TTLL7: variants seen among roughly 807,000 people sequenced by gnomAD.
TTLL7 encodes tubulin tyrosine ligase like 7.
Under a neutral mutation model 120.2 loss-of-function variants are expected in TTLL7, and 53 were observed. The ratio of observed to expected loss-of-function variants is 0.44; its 90% confidence interval spans 0.35 to 0.55. The LOEUF (loss-of-function observed/expected upper bound fraction) is 0.55. Among genes scored for constraint, TTLL7 ranks in the 20% least tolerant of loss-of-function variants. TTLL7 has a pLI of 0.00. For missense variants in TTLL7, 803 were observed against 1,054.7 expected, an observed-to-expected ratio of 0.76 and a Z score of 3.31; for synonymous variants, 353 against 351.7, an observed-to-expected ratio of 1.00 and a Z score of -0.04.
chr1:83,906,520 T>A (rs1476046385), intron 16 of TTLL7, 57 bp from the exon 17 acceptor site: 2 of 1,606,418 alleles, frequency 1.2e-6, no homozygotes, highest in African/African-American at 1.3e-5. Flanking sequence ...TGTGCCAGTA[T>A]AATCTGAAAG....
chr1:83,917,726 A>G, intron 13 of TTLL7, 36 bp from the exon 14 acceptor site: 1 of 1,392,514 alleles, frequency 7.2e-7, no homozygotes, highest in South Asian at 1.2e-5. Context: ...TACAACCACT[A>G]ATGGACTCTA....
chr1:83,921,208 G>A, intron 11 of TTLL7, 39 bp downstream of exon 11: 1 of 1,609,756 alleles, frequency 6.2e-7, no homozygotes, highest in Non-Finnish European at 8.5e-7. Context: ...AGTGAATTAT[G>A]CAATTTAAAT....
intron 1 of TTLL7, among the ~76,000 whole-genome samples, chr1:83,968,787 A>C (rs1172123267): frequency 6.6e-6 from 1 of 152,058 alleles, no homozygotes; most frequent in Non-Finnish European, 1.5e-5. Flanking sequence ...CCTTCACCAA[A>C]GGTGGTGGTA....
intron 20 of TTLL7, among the ~76,000 whole-genome samples, chr1:83,870,284 T>A (rs1429204034): frequency 6.6e-6 from 1 of 152,186 alleles, no homozygotes; most frequent in Non-Finnish European, 1.5e-5. Context: ...GATGTTAGCA[T>A]CCCAAGACAT....
rs960937247 is a variant in TTLL7 at position 83,948,068 on chromosome 1, T to A, written c.347+560A>T. Among the ~76,000 whole-genome samples, 3 of 152,120 alleles carry A rather than the reference T, an allele frequency of 2.0e-5. 1 individual carries two copies. Among genetic ancestry groups the A allele is most frequent in the African/African-American group, 7.2e-5 (3 of 41,422 alleles). ...TTGCAGAGATAAATATCTGTGCATG[T>A]GTATCCCTGGGTGAGCATATATACA... On this transcript the variant is annotated intron_variant, in intron 5 of 20. Coordinates refer to ENST00000260505, the MANE Select transcript of TTLL7 (RefSeq NM_024686.6).
chr1:83,908,308 T>C (rs1045797893), intron 15 of TTLL7, among the ~76,000 whole-genome samples: 3 of 146,892 alleles, frequency 2.0e-5, no homozygotes, highest in African/African-American at 7.4e-5. Context: ...GGTTAAGTTA[T>C]AGAATTTAGA....
At chr1:83,937,290 A>G (rs1647490892) in intron 8 of TTLL7, among the ~76,000 whole-genome samples, 2 of 150,548 alleles carry the variant, frequency 1.3e-5, no homozygotes, top group East Asian at 3.9e-4. Flanking sequence ...TGCAACCTAC[A>G]CCTCCTGGGT....
chr1:83,980,902 GA>G (rs997248564), intron 1 of TTLL7: 1 of 152,006 alleles, frequency 6.6e-6, no homozygotes, highest in African/African-American at 2.4e-5. Flanking sequence ...ATTCAAAGTT[GA>G]AAAATGTAAA....
At chr1:83,929,339 A>C in intron 9 of TTLL7, 109 bp from the exon 10 acceptor site, 11 of 710,432 alleles carry the variant, frequency 1.5e-5, no homozygotes, top group Non-Finnish European at 2.5e-5. Context: ...ATTAAACCTC[A>C]AAGCTTTACA....
intron 20 of TTLL7, among the ~76,000 whole-genome samples, chr1:83,877,232 T>C (rs1041009270): frequency 3.3e-5 from 5 of 151,986 alleles, no homozygotes; most frequent in African/African-American, 1.2e-4. Context: ...TAGGCAGAAG[T>C]TGGTCATGAT....
intron 18 of TTLL7, among the ~76,000 whole-genome samples, chr1:83,894,211 T>G (rs1656025488): frequency 6.6e-6 from 1 of 152,088 alleles, no homozygotes; most frequent in Non-Finnish European, 1.5e-5. Context: ...CCAAAAGTCA[T>G]AATGCAGAAA....
chr1:83,872,279 T>C (rs1020322162), intron 20 of TTLL7, among the ~76,000 whole-genome samples: 5 of 152,222 alleles, frequency 3.3e-5, no homozygotes, highest in Admixed American at 2.0e-4. Flanking sequence ...CCAAATTAAA[T>C]CAATATTGTA....
chr1:83,971,415 G>A (rs1438786205), intron 1 of TTLL7, among the ~76,000 whole-genome samples: 1 of 152,104 alleles, frequency 6.6e-6, no homozygotes. Context: ...TAAATGCTTT[G>A]ATAAGGCACA....
chr1:83,966,795 T>C (rs540058068), intron 1 of TTLL7, among the ~76,000 whole-genome samples: 4 of 152,216 alleles, frequency 2.6e-5, no homozygotes, highest in Admixed American at 1.3e-4. Context: ...CTGACACCAT[T>C]ATCACTGCTG....
At chr1:83,970,295 G>A (rs1484923460) in intron 1 of TTLL7, among the ~76,000 whole-genome samples, 1 of 152,048 alleles carries the variant, frequency 6.6e-6, no homozygotes, top group East Asian at 1.9e-4. Context: ...CCAGATTCCA[G>A]GAATTCAAGC....
chr1:83,922,457 A>AGTTCTTTTG (rs1265152116), intron 10 of TTLL7, among the ~76,000 whole-genome samples: 2 of 152,172 alleles, frequency 1.3e-5, no homozygotes, highest in Non-Finnish European at 2.9e-5. Flanking sequence ...CAATAAAGAG[A>AGTTCTTTTG]GTTCTTTTGC....
intron 1 of TTLL7, among the ~76,000 whole-genome samples, chr1:83,988,408 G>A (rs868017008): frequency 9.2e-5 from 14 of 152,168 alleles, no homozygotes; most frequent in African/African-American, 3.1e-4. Flanking sequence ...TCCAGTAATG[G>A]GATTGCTGGG....
intron 1 of TTLL7, among the ~76,000 whole-genome samples, chr1:83,955,331 G>A (rs546938854): frequency 1.3e-5 from 2 of 152,220 alleles, no homozygotes; most frequent in South Asian, 4.1e-4. Flanking sequence ...GTGTGCTATG[G>A]TTTGAATATT....
rs59779864 is a variant in TTLL7 at position 83,984,963 on chromosome 1, T to C, written c.-177+13968A>G. On this transcript the variant is annotated intron_variant, in intron 1 of 20. Transcript: ENST00000260505. ...AAATAAAGTCTTCTAAAAGAATGTA[T>C]AAAATTGATAAACATCTAGCAAAAC... Among the ~76,000 whole-genome samples, 593 of 152,276 alleles carry C rather than the reference T, an allele frequency of 3.9e-3. 20 individuals carry two copies. The East Asian group carries it at 0.08, about 20-fold the overall frequency.
Sources: gnomAD v4.1 joint callset for allele counts (sites outside exome capture counted in the v4.1 genomes callset) on GRCh38, gnomAD v4.1.1 for gene constraint, MANE v1.5 for transcripts, NCBI Gene and HGNC (gene_info 2026-07-23, HGNC 2026-07-21) for gene names.